Variants in CARD10 observed in about 807,000 individuals in gnomAD.
CARD10 encodes the protein caspase recruitment domain-containing protein 10.
CARD10 carries 49 observed loss-of-function variants against 114.6 expected under a neutral mutation model. The ratio of observed to expected loss-of-function variants is 0.43; its 90% CI spans 0.34 to 0.54. The LOEUF is 0.54. CARD10 is among the 20% of genes least tolerant of loss of function. CARD10 has a pLI of 0.03. For missense variants in CARD10, 1,206 were observed against 1,397.2 expected (o/e 0.86, Z 2.18); for synonymous variants, 602 against 593.2 (o/e 1.01, Z -0.21).
chr22:37,499,219 G>A (rs1277434447), intron 11 of CARD10, among the ~76,000 whole-genome samples: 1 of 151,872 alleles, frequency 6.6e-6, no homozygotes, highest in Non-Finnish European at 1.5e-5. Context: ...GAACTCTGGG[G>A]TCAAACGGCC....
intron 11 of CARD10, among the ~76,000 whole-genome samples, chr22:37,500,741 G>A (rs1217125175): frequency 1.3e-5 from 2 of 152,204 alleles, no homozygotes; most frequent in African/African-American, 2.4e-5. Context: ...AACTGTCTCT[G>A]TACTTCAGTG....
intron 9 of CARD10, 108 bp downstream of exon 9, chr22:37,504,078 A>G (rs1472336663): frequency 2.5e-6 from 2 of 812,330 alleles, no homozygotes; most frequent in Non-Finnish European, 4.2e-6. Flanking sequence ...AATAAAGGGA[A>G]GTGACTGCCT....
At chr22:37,511,580 T>C (rs2145773011) in intron 3 of CARD10, among the ~76,000 whole-genome samples, 1 of 149,030 alleles carries the variant, frequency 6.7e-6, no homozygotes, top group South Asian at 2.1e-4. Flanking sequence ...GCTCCGTCTC[T>C]AGCTCAGTGT....
rs374854759 is a variant in CARD10 at position 37,491,496 on chromosome 22, T to C, written c.2865-103A>G. ...AGGGGGAAGAGTCAGAGAGAGAAGA[T>C]GGACAACCAAAGAGAGACAGATGGC... On this transcript the variant is annotated intron_variant, in intron 19 of 19. Transcript: ENST00000251973. The C allele has an allele frequency of 6.5e-4, 436 of 668,454 alleles. 6 individuals are homozygous for C. In the East Asian group the frequency reaches 9.3e-3, roughly 14 times the overall value. 41.4% of individuals were successfully genotyped at this position (668,454 alleles called of 1,614,324 possible).
chr22:37,519,383 CG>C lies in CARD10; in HGVS notation c.-184del. 5.0e-6 allele frequency: 6 copies of C among 1,211,854 alleles called. No individual in the cohort carries two copies. Among genetic ancestry groups the C allele is most frequent in the Non-Finnish European group, 6.1e-6 (6 of 975,706 alleles). 75.1% of individuals were successfully genotyped at this position (1,211,854 alleles called of 1,614,324 possible). Reference sequence around the variant, plus strand: ...CGCCTCGGGCTCCCGGGTCCGCACTCGGGCGGCGGCTCCGCCGGCGCAGGGG... The same window carrying C: ...CGCCTCGGGCTCCCGGGTCCGCACTCGGCGGCGGCTCCGCCGGCGCAGGGG... On this transcript the variant is annotated 5_prime_UTR_variant, in exon 1 of 20. Transcript: ENST00000251973. This position sits in a 1 kb window ranked among gnomAD's most constrained non-coding sequence, Gnocchi z 4.1.
At chr22:37,498,573 C>G (rs868253692) in intron 11 of CARD10, among the ~76,000 whole-genome samples, 43 of 152,206 alleles carry the variant, frequency 2.8e-4, no homozygotes, top group Admixed American at 1.0e-3. Context: ...CTGCAAGGAC[C>G]TCCCACCCAA....
Position 37,504,688 on chromosome 22 carries a change from G to A in CARD10, c.1465C>T (p.Pro489Ser). 1 of 1,577,210 alleles carries A rather than the reference G, an allele frequency of 6.3e-7. No individual in the cohort carries two copies. The highest frequency in any genetic ancestry group is 1.2e-5 in the South Asian group (1 of 85,268). ...ACAGCTGCCTCCCCAGTTGCTTCTG[G>A]GCCTCCCAGAGGGGAGGGGAACTCG... ...LSEFPSPLGGPEATGEAAVMG... is the reference protein window; with the variant it reads ...LSEFPSPLGGSEATGEAAVMG... Residue 489 changes from proline (P) to serine (S), a missense_variant, in exon 8 of 20, where the codon CCA becomes TCA. Pro to Ser is a moderately conservative substitution (Grantham distance 74). Transcript: ENST00000251973.
chr22:37,510,275 C>T lies in CARD10; in HGVS notation c.846G>A (p.Glu282=). The T allele has an allele frequency of 1.9e-6, 3 of 1,604,942 alleles. No individual in the cohort carries two copies. The highest frequency in any genetic ancestry group is 2.5e-6 in the Non-Finnish European group (3 of 1,179,750). The change falls in exon 4 of 20, where the codon GAG becomes GAA. Residue 282 remains glutamate (E), a synonymous_variant. Coordinates refer to ENST00000251973, the MANE Select transcript of CARD10 (RefSeq NM_014550.4). ...TCAGCCGCTGGTTCTCAGCACGCAGCTCAGAGACAAGGTCCACATTGTCTG... is the reference window on the plus strand; with the variant it reads ...TCAGCCGCTGGTTCTCAGCACGCAGTTCAGAGACAAGGTCCACATTGTCTG... The part of the protein sequence containing the change: ...KEPDNVDLVS[E]LRAENQRLTA...
At position 37,501,209 on chromosome 22, in the gene CARD10, C is replaced by T. The variant is rs1316651947; in HGVS notation, c.1787+1393G>A. Among the ~76,000 whole-genome samples, 1 of 152,162 alleles carries T rather than the reference C, an allele frequency of 6.6e-6. No individual in the cohort carries two copies. The highest frequency in any genetic ancestry group is 2.1e-4 in the South Asian group (1 of 4,830). On this transcript the variant is annotated intron_variant, in intron 11 of 19. Coordinates refer to ENST00000251973, the MANE Select transcript of CARD10 (RefSeq NM_014550.4). The surrounding 1 kb of genome is among the most constrained non-coding windows in gnomAD (Gnocchi z 5.4). ...CCCAGCCTGTGTTCTTCCCCAGGAA[C>T]CTCTCTCCTCCCCAGGAACAGCATG...
intron 9 of CARD10, 40 bp from the exon 10 acceptor site, chr22:37,503,253 C>T (rs771307856): frequency 1.3e-6 from 2 of 1,588,834 alleles, no homozygotes. Flanking sequence ...GGAGGTGAGG[C>T]ACAGTGGGCA....
At chr22:37,515,630 A>G (rs1923816973) in intron 3 of CARD10, among the ~76,000 whole-genome samples, 1 of 151,050 alleles carries the variant, frequency 6.6e-6, no homozygotes, top group Non-Finnish European at 1.5e-5. Context: ...CCCCGGCCCT[A>G]CCGATGTTTT....
chr22:37,494,397 A>G, intron 15 of CARD10: 1 of 583,852 alleles, frequency 1.7e-6, no homozygotes, highest in Non-Finnish European at 3.0e-6. Context: ...AGATGAGAGC[A>G]GCCATCCCTG....
chr22:37,492,335 G>T lies in CARD10; in HGVS notation c.2751+100C>A. The T allele has an allele frequency of 1.1e-6, 1 of 895,918 alleles. No homozygotes were observed. The highest frequency in any genetic ancestry group is 1.7e-6 in the Non-Finnish European group (1 of 601,978). 55.5% of individuals were successfully genotyped at this position (895,918 alleles called of 1,614,324 possible). On this transcript the variant is annotated intron_variant, in intron 18 of 19. Coordinates refer to ENST00000251973, the MANE Select transcript of CARD10 (RefSeq NM_014550.4). The surrounding 1 kb of genome is among the most constrained non-coding windows in gnomAD (Gnocchi z 5.7). Reference sequence around the variant, plus strand: ...AGGGCCGCCCTGCCAGTGAGCAGCAGAGCATGGCCCGCGCTCAGACGCTGG... The same window carrying T: ...AGGGCCGCCCTGCCAGTGAGCAGCATAGCATGGCCCGCGCTCAGACGCTGG...
intron 4 of CARD10, 50 bp from the exon 5 acceptor site, chr22:37,508,732 C>T: frequency 6.7e-7 from 1 of 1,503,270 alleles, no homozygotes; most frequent in Non-Finnish European, 8.9e-7. Context: ...GGGGCCCACC[C>T]TGGGTGTGGG....
chr22:37,509,043 C>G (rs1362684361), intron 4 of CARD10: 1 of 1,550,062 alleles, frequency 6.5e-7, no homozygotes, highest in East Asian at 2.4e-5. Context: ...TTCCCAAGAC[C>G]TACTCCCACC....
At position 37,516,193 on chromosome 22, in the gene CARD10, C is replaced by T. The variant is rs981850029; in HGVS notation, c.479G>A (p.Arg160Gln). ...QLQREQQLQA[R>Q]GRVLEEERAG... ...CCGCTCCTCCTCGAGCACCCGGCCC[C>T]GGGCCTGCAGTTGCTGCTCCCGCTG... Residue 160 changes from arginine to glutamine, a missense_variant, in exon 3 of 20, where the codon CGG becomes CAG. Coordinates refer to ENST00000251973, the MANE Select transcript of CARD10 (RefSeq NM_014550.4). The T allele has an allele frequency of 1.4e-5, 23 of 1,593,448 alleles. No individual in the cohort carries two copies. Among genetic ancestry groups the T allele is most frequent in the South Asian group, 2.3e-5 (2 of 88,752 alleles).
rs1359788833 is a variant in CARD10 at position 37,509,717 on chromosome 22, C to T, written c.909+495G>A. Among the ~76,000 whole-genome samples the T allele has an allele frequency of 1.4e-4, 13 of 95,532 alleles. 1 individual carries two copies. The highest frequency in any genetic ancestry group is 8.8e-4 in the Admixed American group (8 of 9,116). 62.7% of individuals were successfully genotyped at this position (95,532 alleles called of 152,430 possible). A position where few individuals can be genotyped will look rare whatever the true frequency, so the allele number is the denominator to read the frequency against. ...GACCCCCCCTCAACCCCCATGGCCA[C>T]GAGGCCCAGCCCTGGTACCTGCTGC... is the stretch of plus-strand genomic sequence containing the variant. On this transcript the variant is annotated intron_variant, in intron 4 of 19. Coordinates refer to ENST00000251973, the MANE Select transcript of CARD10 (RefSeq NM_014550.4).
In CARD10 at chr22:37,509,606, GC is replaced by G. The variant is rs1345693531; in HGVS notation, c.909+605del. 4.0e-5 allele frequency among the ~76,000 whole-genome samples: 6 copies of G among 149,770 alleles called. No homozygotes were observed. In the East Asian group the frequency reaches 1.2e-3, roughly 29 times the overall value. ...CCCCACTCCATGTCCACGAGCCCTG[GC>G]CCTAGTACCTGCTGCAGGCCCTCCT... On this transcript the variant is annotated intron_variant, in intron 4 of 19. Transcript: ENST00000251973.
chr22:37,512,344 A>G (rs542819593), intron 3 of CARD10: 3 of 152,102 alleles, frequency 2.0e-5, no homozygotes, highest in African/African-American at 7.2e-5. Context: ...AAAAGGTCAC[A>G]ATGACTTCTG....
Sources: gnomAD v4.1 joint callset for allele counts (sites outside exome capture counted in the v4.1 genomes callset) on GRCh38, gnomAD v4.1.1 for gene constraint, Gnocchi (gnomAD v3.1) non-coding constraint, MANE v1.5 for transcripts, NCBI Gene and HGNC (gene_info 2026-07-23, HGNC 2026-07-21) for gene names.